The following ABI3BP variants were observed in gnomAD, a reference collection of about 807,000 sequenced individuals.
The protein encoded by ABI3BP is target of Nesh-SH3.
A neutral mutation model predicts 268.6 loss-of-function variants in ABI3BP; 216 were observed. That is an observed-to-expected ratio of 0.80 (90% CI 0.72 to 0.90). The LOEUF is 0.90. Ranked by LOEUF, ABI3BP falls within the 40% of genes least tolerant of loss-of-function variation. The probability of loss-of-function intolerance (pLI) is 0.00; values close to 1 mark genes in which losing one functional copy is unlikely to be tolerated. For missense variants in ABI3BP, 2,090 were observed against 2,182.4 expected (o/e 0.96, Z 0.84); for synonymous variants, 730 against 730.0 (o/e 1.00, Z 0.00).
chr3:100,808,315 T>G, intron 49 of ABI3BP, 80 bp from the exon 50 acceptor site: 1 of 1,047,124 alleles, frequency 9.5e-7, no homozygotes, highest in African/African-American at 1.6e-5. Context: ...CTCAGGGATG[T>G]TTACTGAGTG....
chr3:100,894,759 G>A (rs1490776538), intron 4 of ABI3BP, among the ~76,000 whole-genome samples: 2 of 151,682 alleles, frequency 1.3e-5, no homozygotes, highest in Non-Finnish European at 2.9e-5. Context: ...CTAACACGGT[G>A]AAACCCCACC....
At chr3:100,951,565 C>T (rs576065280) in intron 1 of ABI3BP, among the ~76,000 whole-genome samples, 11 of 152,060 alleles carry the variant, frequency 7.2e-5, no homozygotes, top group Admixed American at 1.3e-4. Flanking sequence ...TTTGTTGATG[C>T]GGTCAGGCTC....
chr3:100,810,419 A>G lies in ABI3BP; in HGVS notation c.3600T>C (p.Thr1200=). 6.5e-6 allele frequency: 10 copies of G among 1,534,010 alleles called. No homozygotes were observed. Among genetic ancestry groups the G allele is most frequent in the Non-Finnish European group, 7.9e-6 (9 of 1,145,202 alleles). The part of the protein sequence containing the change: ...ITLPSPDEPQ[T]EPAPKQTPRA... The stretch of plus-strand genomic sequence containing the variant: ...ACAAAATAATGTATTTACCAGGTTC[A>G]GTCTGAGGCTCATCTGGGCTGGGTA... Residue 1200 remains threonine, a synonymous_variant, in exon 49 of 68, where the codon ACT becomes ACC. Coordinates refer to ENST00000471714, the MANE Select transcript of ABI3BP (RefSeq NM_001375547.2).
At chr3:100,842,280 G>A (rs1260494407) in intron 20 of ABI3BP, among the ~76,000 whole-genome samples, 1 of 152,146 alleles carries the variant, frequency 6.6e-6, no homozygotes, top group Non-Finnish European at 1.5e-5. Flanking sequence ...TTTGCCTCTG[G>A]TGCTGAGGAA....
intron 2 of ABI3BP, among the ~76,000 whole-genome samples, chr3:100,922,535 TGATGGTGATGGTGATGGTGATGGC>T (rs2060551156): frequency 6.7e-6 from 1 of 148,702 alleles, no homozygotes. Flanking sequence ...ATGGTGATGG[TGATGGTGATGGTGATGGTGATGGC>T]GATGGCGATG....
chr3:100,775,869 C>T (rs2096686451), intron 59 of ABI3BP, among the ~76,000 whole-genome samples: 1 of 152,070 alleles, frequency 6.6e-6, no homozygotes, highest in Non-Finnish European at 1.5e-5. Flanking sequence ...GGGACTGAGT[C>T]ACTTGTGTAG....
At chr3:100,874,267 TCTG>T (rs1403662686) in intron 9 of ABI3BP, among the ~76,000 whole-genome samples, 1 of 152,198 alleles carries the variant, frequency 6.6e-6, no homozygotes, top group Non-Finnish European at 1.5e-5. Flanking sequence ...CTTGAGATTC[TCTG>T]CTAAGATACA....
chr3:100,885,089 T>G lies in ABI3BP; in HGVS notation c.696+447A>C, dbSNP rs140020503. Reference sequence around the variant, plus strand: ...AACATTGTCTGAACTGAACAGAGACTGGGCATTTTACAAAATCAAACTGGT... The same window carrying G: ...AACATTGTCTGAACTGAACAGAGACGGGGCATTTTACAAAATCAAACTGGT... On this transcript the variant is annotated intron_variant, in intron 6 of 67. Transcript: ENST00000471714. 4.3e-3 allele frequency among the ~76,000 whole-genome samples: 659 copies of G among 152,210 alleles called. 4 individuals are homozygous for G. The highest frequency in any genetic ancestry group is 8.0e-3 in the Non-Finnish European group (546 of 67,980).
chr3:100,847,737 G>A, intron 18 of ABI3BP, 64 bp from the exon 19 acceptor site: 1 of 1,332,948 alleles, frequency 7.5e-7, no homozygotes, highest in Admixed American at 1.7e-5. Flanking sequence ...ACCCTCTAAA[G>A]AGGAACTAAA....
intron 1 of ABI3BP, among the ~76,000 whole-genome samples, chr3:100,990,516 A>G (rs1299887173): frequency 1.3e-5 from 2 of 150,628 alleles, no homozygotes; most frequent in African/African-American, 4.9e-5. Flanking sequence ...AGGTATGCAA[A>G]TAGGCACACC....
At position 100,765,877 on chromosome 3, in the gene ABI3BP, G is replaced by A. The variant is rs765957205; in HGVS notation, c.4814C>T (p.Thr1605Ile). The A allele has an allele frequency of 7.4e-6, 12 of 1,612,168 alleles. No individual in the cohort carries two copies. Among genetic ancestry groups the A allele is most frequent in the Non-Finnish European group, 1.0e-5 (12 of 1,179,016 alleles). The part of the protein sequence containing the change: ...KNKSIQMTNQ[T>I]FSTVENLKPN... The stretch of plus-strand genomic sequence containing the variant: ...TTTCAGATTTTCTACTGTGGAAAAT[G>A]TCTGATTTGTCATTTGAATGGACTT... The change falls in exon 63 of 68, where the codon ACA becomes ATA. Residue 1605 changes from threonine to isoleucine, a missense_variant. By Grantham distance (89) the Thr-to-Ile change is moderately conservative (BLOSUM62 -1). Transcript: ENST00000471714.
intron 5 of ABI3BP, among the ~76,000 whole-genome samples, chr3:100,885,860 T>C (rs1234204691): frequency 6.6e-6 from 1 of 151,986 alleles, no homozygotes; most frequent in Non-Finnish European, 1.5e-5. Flanking sequence ...CTGGTTCTGT[T>C]GGTGTTCGCA....
At chr3:100,794,248 G>A (rs775541448) in intron 54 of ABI3BP, among the ~76,000 whole-genome samples, 2 of 151,860 alleles carry the variant, frequency 1.3e-5, no homozygotes, top group African/African-American at 4.8e-5. Context: ...GCACCCTGTC[G>A]GCTGAGTGTG....
At chr3:100,900,236 G>T (rs2153486376) in intron 3 of ABI3BP, among the ~76,000 whole-genome samples, 1 of 152,350 alleles carries the variant, frequency 6.6e-6, no homozygotes, top group South Asian at 2.1e-4. Flanking sequence ...TGTCATGTAT[G>T]AGCTCCAATG....
At chr3:100,876,421 A>G in intron 7 of ABI3BP, 91 bp downstream of exon 7, 3 of 1,204,556 alleles carry the variant, frequency 2.5e-6, no homozygotes, top group South Asian at 2.8e-5. Context: ...AATCAATTAA[A>G]AAATCGAGAA....
chr3:100,889,261 A>T (rs146306227), intron 4 of ABI3BP, among the ~76,000 whole-genome samples: 32 of 152,272 alleles, frequency 2.1e-4, no homozygotes, highest in African/African-American at 7.5e-4. Context: ...TACAAGGAAA[A>T]GAGAGCCCAA....
chr3:100,804,916 G>A (rs776995327), intron 50 of ABI3BP, 50 bp from the exon 51 acceptor site: 2 of 1,460,920 alleles, frequency 1.4e-6, no homozygotes, highest in Admixed American at 3.4e-5. Flanking sequence ...GCATCTTCCA[G>A]TCATGCTTAA....
Position 100,839,344 on chromosome 3 carries a change from C to A in ABI3BP, c.1945+225G>T, listed in dbSNP as rs1200296248. 1.3e-5 allele frequency among the ~76,000 whole-genome samples: 2 copies of A among 152,190 alleles called. 1 individual carries two copies. Among genetic ancestry groups the A allele is most frequent in the South Asian group, 4.1e-4 (2 of 4,830 alleles). ...GGCAGACAGAAGGTCAGCAGAGAAC[C>A]AGGAAGTTGTGTCCAAGACCACAGA... On this transcript the variant is annotated intron_variant, in intron 24 of 67. Transcript: ENST00000471714.
intron 1 of ABI3BP, among the ~76,000 whole-genome samples, chr3:100,969,424 A>T (rs2082607611): frequency 6.6e-6 from 1 of 152,202 alleles, no homozygotes; most frequent in Admixed American, 6.5e-5. Context: ...TGCCTCATGC[A>T]AAAAAAGCAA....
Sources: allele counts gnomAD v4.1 joint callset (sites outside exome capture counted in the v4.1 genomes callset), GRCh38; gene constraint gnomAD v4.1.1; transcripts MANE v1.5; gene names NCBI Gene and HGNC (gene_info 2026-07-23, HGNC 2026-07-21).